The following SLC38A2 variants were observed in gnomAD, a reference collection of about 807,000 sequenced individuals.
SLC38A2 encodes the protein sodium-coupled neutral amino acid symporter 2.
In SLC38A2, 11 loss-of-function variants were observed where a neutral mutation model predicts 61.5. The ratio of observed to expected loss-of-function variants is 0.18; its 90% confidence interval spans 0.11 to 0.30. The LOEUF (loss-of-function observed/expected upper bound fraction) is 0.30, where lower values mean the gene tolerates loss of function less well. Among genes scored for constraint, SLC38A2 ranks in the 10% least tolerant of loss-of-function variants. The probability of loss-of-function intolerance (pLI) is 1.00; values close to 1 mark genes in which losing one functional copy is unlikely to be tolerated. For missense variants in SLC38A2, 522 were observed against 600.4 expected (o/e 0.87, Z 1.36); for synonymous variants, 217 against 212.5 (o/e 1.02, Z -0.18).
At chr12:46,364,971 T>C (rs756713577) in intron 8 of SLC38A2, 136 bp downstream of exon 8, 6 of 843,228 alleles carry the variant, frequency 7.1e-6, no homozygotes, top group Non-Finnish European at 1.1e-5. Context: ...CTCCTAAATT[T>C]TGCATGCTGT....
rs769337616 is a variant in SLC38A2 at position 46,371,313 on chromosome 12, C to T, written c.-20G>A. ...CTTCATGCTAAGCACTGGGAGGAAT[C>T]GGGTGCAGCTAGTAGCGCTGGGCTC... On this transcript the variant is annotated 5_prime_UTR_variant, in exon 2 of 16. Coordinates refer to ENST00000256689, the MANE Select transcript of SLC38A2 (RefSeq NM_018976.5). The T allele has an allele frequency of 1.9e-6, 3 of 1,598,856 alleles. No individual in the cohort carries two copies. Among genetic ancestry groups the T allele is most frequent in the South Asian group, 2.2e-5 (2 of 90,800 alleles).
intron 13 of SLC38A2, 173 bp from the exon 14 acceptor site, chr12:46,362,811 C>T (rs1243361331): frequency 1.1e-6 from 1 of 929,006 alleles, no homozygotes; most frequent in South Asian, 1.9e-5. Context: ...CATCTGAACA[C>T]TTAAAGATCA....
chr12:46,363,655 CT>C, intron 12 of SLC38A2, 70 bp downstream of exon 12: 1 of 916,972 alleles, frequency 1.1e-6, no homozygotes, highest in Non-Finnish European at 1.7e-6. Flanking sequence ...ACATAGAAAA[CT>C]AGCAGCTTCA....
chr12:46,372,570 C>A lies in SLC38A2; in HGVS notation c.-148G>T. 4 of 397,126 alleles carry A rather than the reference C, an allele frequency of 1.0e-5. No individual in the cohort carries two copies. The highest frequency in any genetic ancestry group is 6.3e-4 in the Middle Eastern group (1 of 1,580). 24.6% of individuals were successfully genotyped at this position (397,126 alleles called of 1,614,324 possible). A position where few individuals can be genotyped will look rare whatever the true frequency, so the allele number is the denominator to read the frequency against. On this transcript the variant is annotated 5_prime_UTR_variant, in exon 1 of 16. An upstream start codon of the reference 5' UTR is lost. Transcript: ENST00000256689. ...GGGTTTCTCTCAGTCAAATACAAAT[C>A]ATAAAAAACAAACAAAAAATTTCCC...
At chr12:46,365,416 T>C in intron 7 of SLC38A2, 1 of 556,414 alleles carries the variant, frequency 1.8e-6, no homozygotes, top group Non-Finnish European at 3.1e-6. Flanking sequence ...GTAACTTTTG[T>C]CCCACTACTT....
At position 46,370,476 on chromosome 12, in the gene SLC38A2, C is replaced by T. The variant is rs372634047; in HGVS notation, c.314+36G>A. On this transcript the variant is annotated intron_variant, in intron 4 of 15. Transcript: ENST00000256689. ...AAAATATGTTTTACCATAGTAACTG[C>T]CCTGCATGGCAGACTCACTACTTAC... 5.5e-6 allele frequency: 8 copies of T among 1,461,316 alleles called. No homozygotes were observed. The East Asian group carries it at 1.1e-4, about 21-fold the overall frequency. The allele number at this position is 1,461,316 out of a possible 1,614,324, so 90.5% of individuals were successfully genotyped here.
intron 10 of SLC38A2, 145 bp from the exon 11 acceptor site, chr12:46,364,148 C>T (rs1565827814): frequency 1.3e-6 from 1 of 788,668 alleles, no homozygotes; most frequent in East Asian, 2.7e-5. Flanking sequence ...CTAATCTGTT[C>T]ATGAAGTATG....
In SLC38A2 at chr12:46,364,706, T is replaced by C. The variant is rs755697867; in HGVS notation, c.647-4A>G. The C allele has an allele frequency of 6.2e-7, 1 of 1,604,532 alleles. No homozygotes were observed. The highest frequency in any genetic ancestry group is 1.1e-5 in the South Asian group (1 of 88,790). ...CCACTGGTATATCCCAAATATCCTA[T>C]AAGGAGGGGTGGCAGGAATCAGTAT... On this transcript the variant is annotated splice_region_variant and splice_polypyrimidine_tract_variant and intron_variant, in intron 8 of 15. Transcript: ENST00000256689.
chr12:46,368,630 C>G (rs1466697057), intron 4 of SLC38A2, among the ~76,000 whole-genome samples: 1 of 152,152 alleles, frequency 6.6e-6, no homozygotes, highest in African/African-American at 2.4e-5. Context: ...GCACGCAGTA[C>G]CATGTAAGGT....
At chr12:46,370,094 G>A (rs758710679) in intron 4 of SLC38A2, among the ~76,000 whole-genome samples, 6 of 152,240 alleles carry the variant, frequency 3.9e-5, no homozygotes, top group Admixed American at 2.0e-4. Flanking sequence ...CCTTATTCAC[G>A]TAAGGGGCCA....
rs1943058079 is a variant in SLC38A2, at chr12:46,359,445, T to C, written c.*1666A>G. ...TCTTGTTTGTAAATTTAGTCACATA[T>C]AATACAAGAATGCGTAACAAAAACC... On this transcript the variant is annotated 3_prime_UTR_variant, in exon 16 of 16. Coordinates refer to ENST00000256689, the MANE Select transcript of SLC38A2 (RefSeq NM_018976.5). 1 of 152,650 alleles carries C rather than the reference T, an allele frequency of 6.6e-6. No individual in the cohort carries two copies. Among genetic ancestry groups the C allele is most frequent in the Non-Finnish European group, 1.5e-5 (1 of 68,040 alleles). 9.5% of individuals were successfully genotyped at this position (152,650 alleles called of 1,614,324 possible).
At chr12:46,366,805 T>C in intron 7 of SLC38A2, 59 bp downstream of exon 7, 2 of 1,436,478 alleles carry the variant, frequency 1.4e-6, no homozygotes, top group South Asian at 1.3e-5. Context: ...TTGATAAAAA[T>C]GTATCTAACC....
chr12:46,371,202 G>C lies in SLC38A2; in HGVS notation c.92C>G (p.Pro31Arg). 1 of 1,614,202 alleles carries C rather than the reference G, an allele frequency of 6.2e-7. No individual in the cohort carries two copies. The highest frequency in any genetic ancestry group is 1.3e-5 in the African/African-American group (1 of 75,060). The change falls in exon 2 of 16, where the codon CCC (proline) becomes CGC (arginine). Residue 31 changes from proline (P) to arginine (R), a missense_variant. By Grantham distance (103) the Pro-to-Arg change is moderately radical. Around this residue, in one of 3 missense-constraint regions of SLC38A2, gnomAD observed 102 missense variants for 83.1 expected, o/e 1.23. Transcript: ENST00000256689. ...CCTTTTCAGAGCAGCTTGCTTGGTG[G>C]GGTAGGAGTAGTTGAAGTCGCTGTT... ...SSNSDFNYSY[P>R]TKQAALKSHY...
chr12:46,364,002 G>T lies in SLC38A2; in HGVS notation c.875C>A (p.Thr292Asn). The change falls in exon 11 of 16, where the codon ACT (threonine) becomes AAT (asparagine). Residue 292 changes from threonine (T) to asparagine (N), a missense_variant and splice_region_variant. Coordinates refer to ENST00000256689, the MANE Select transcript of SLC38A2 (RefSeq NM_018976.5). Reference sequence around the variant, plus strand: ...GATCAGAATTGGCACAGCATAGACAGTCTGAAAGAAAACGTAAAAATCTAC... The same window carrying T: ...GATCAGAATTGGCACAGCATAGACATTCTGAAAGAAAACGTAAAAATCTAC... ...RPHYFIFNSQ[T>N]VYAVPILIFS... The T allele has an allele frequency of 1.9e-6, 3 of 1,600,864 alleles. No homozygotes were observed. Among genetic ancestry groups the T allele is most frequent in the Non-Finnish European group, 2.6e-6 (3 of 1,175,178 alleles).
At position 46,359,010 on chromosome 12, in the gene SLC38A2, G is replaced by A. The variant is rs973107760; in HGVS notation, c.*2101C>T. ...CTTAAATAGCCAGAGGATTGGAGGA[G>A]CTTCCTCACATTAATTTGCTGTAGA... On this transcript the variant is annotated 3_prime_UTR_variant, in exon 16 of 16. Transcript: ENST00000256689. The A allele has an allele frequency of 6.6e-6, 1 of 151,746 alleles. No homozygotes were observed. The highest frequency in any genetic ancestry group is 1.5e-5 in the Non-Finnish European group (1 of 67,974). 9.4% of individuals were successfully genotyped at this position (151,746 alleles called of 1,614,324 possible).
chr12:46,370,920 G>C, intron 2 of SLC38A2, 63 bp from the exon 3 acceptor site: 5 of 1,279,878 alleles, frequency 3.9e-6, no homozygotes, highest in Non-Finnish European at 5.5e-6. Flanking sequence ...TTACACACAA[G>C]ACTGCTTTAA....
chr12:46,367,776 G>C (rs1489771445), intron 4 of SLC38A2, among the ~76,000 whole-genome samples: 1 of 152,144 alleles, frequency 6.6e-6, no homozygotes, highest in Non-Finnish European at 1.5e-5. Flanking sequence ...CAAGGTTCTT[G>C]GGAAATTCAA....
chr12:46,364,383 A>G lies in SLC38A2; in HGVS notation c.873+6T>C. 1 of 1,571,162 alleles carries G rather than the reference A, an allele frequency of 6.4e-7. No homozygotes were observed. Among genetic ancestry groups the G allele is most frequent in the Non-Finnish European group, 8.6e-7 (1 of 1,165,372 alleles). ...TTCTTTTGAGAAAATAAGCATATTT[A>G]GTTACCTGTGAGTTGAAAATAAAAT... On this transcript the variant is annotated splice_donor_region_variant and intron_variant, in intron 10 of 15. Transcript: ENST00000256689.
At position 46,363,006 on chromosome 12, in the gene SLC38A2, C is replaced by G; in HGVS notation, c.1179+15G>C. ...AAACTCCTTCCTACTGAAAGCAGAG[C>G]AAGTGATTACTTACTGGGAAAATAA... On this transcript the variant is annotated intron_variant, in intron 13 of 15. Coordinates refer to ENST00000256689, the MANE Select transcript of SLC38A2 (RefSeq NM_018976.5). The G allele has an allele frequency of 6.2e-7, 1 of 1,611,730 alleles. No individual in the cohort carries two copies. The highest frequency in any genetic ancestry group is 1.1e-5 in the South Asian group (1 of 90,834).
Sources: allele counts gnomAD v4.1 joint callset (sites outside exome capture counted in the v4.1 genomes callset), GRCh38; gene constraint gnomAD v4.1.1; regional missense constraint gnomAD v4.1.1; transcripts MANE v1.5; gene names NCBI Gene and HGNC (gene_info 2026-07-23, HGNC 2026-07-21).